Variants in WNK1 observed in about 807,000 individuals in gnomAD.
The protein encoded by WNK1 is serine/threonine-protein kinase WNK1.
Under a neutral mutation model 222.8 loss-of-function variants are expected in WNK1, and 38 were observed. The ratio of observed to expected loss-of-function variants is 0.17; its 90% CI spans 0.13 to 0.22. The LOEUF is 0.22. WNK1 is among the 10% of genes least tolerant of loss of function. The pLI is 1.00. For synonymous variants in WNK1, 1,090 were observed against 1,092.9 expected (o/e 1.00, Z 0.05); for missense variants, 2,348 against 2,918.4 (o/e 0.80, Z 4.50).
chr12:804,912 A>ATTTTTATTTT (rs374820355), intron 1 of WNK1, among the ~76,000 whole-genome samples: 2 of 146,978 alleles, frequency 1.4e-5, no homozygotes, highest in Non-Finnish European at 3.0e-5. Context: ...TTTATATTTT[A>ATTTTTATTTT]TATATATAAT....
chr12:867,698 A>T (rs1340615176), intron 8 of WNK1: 1 of 769,406 alleles, frequency 1.3e-6, no homozygotes, highest in East Asian at 2.7e-5. Context: ...GATGTATTTA[A>T]TGGATTTTTA....
intron 1 of WNK1, among the ~76,000 whole-genome samples, chr12:756,172 C>T (rs192685139): frequency 8.7e-4 from 133 of 152,190 alleles, no homozygotes; most frequent in African/African-American, 3.1e-3. Flanking sequence ...TAACCGGTTA[C>T]CTTACTTTTT....
intron 4 of WNK1, among the ~76,000 whole-genome samples, chr12:833,573 A>G (rs1315325125): frequency 7.1e-6 from 1 of 141,766 alleles, no homozygotes; most frequent in African/African-American, 2.5e-5. Flanking sequence ...GTCTTCCTCC[A>G]TGACATTTTA....
At chr12:874,108 A>T (rs1471162268) in intron 9 of WNK1, among the ~76,000 whole-genome samples, 3 of 151,862 alleles carry the variant, frequency 2.0e-5, no homozygotes, top group African/African-American at 7.3e-5. Context: ...GTGAACTATG[A>T]TATTGCCACC....
chr12:856,455 A>AG (rs66536504), intron 4 of WNK1, among the ~76,000 whole-genome samples: 1 of 138,520 alleles, frequency 7.2e-6, no homozygotes, highest in African/African-American at 2.5e-5. Context: ...CTCCATCTCG[A>AG]GGGAAAAAAA....
chr12:894,603 G>A lies in WNK1; in HGVS notation c.5551G>A (p.Gly1851Arg). ...KEGPVLATSS[G>R]AGVFKMGRFQ... is the part of the protein sequence containing the mutation. ...AGGCCCTGTCCTAGCAACTAGTTCA[G>A]GAGCTGGTGTTTTTAAGATGGGACG... The change falls in exon 23 of 28, where the codon GGA becomes AGA. Residue 1851 changes from glycine (G) to arginine (R), a missense_variant. Physicochemically the swap from Gly to Arg is moderately radical, Grantham distance 125. Around this residue, in one of 13 missense-constraint regions of WNK1, gnomAD observed 1,144 missense variants for 1,273.6 expected, o/e 0.90. Transcript: ENST00000315939. The A allele has an allele frequency of 6.2e-7, 1 of 1,614,034 alleles. No homozygotes were observed.
intron 1 of WNK1, among the ~76,000 whole-genome samples, chr12:774,360 C>G (rs1256934011): frequency 4.6e-5 from 7 of 152,208 alleles, no homozygotes. Flanking sequence ...CTCATCCCCT[C>G]CCTCTTGAGT....
chr12:789,995 A>C (rs867262097), intron 1 of WNK1, among the ~76,000 whole-genome samples: 1 of 152,222 alleles, frequency 6.6e-6, no homozygotes, highest in African/African-American at 2.4e-5. Flanking sequence ...TGATTGGGTT[A>C]GGCCAGTTAT....
intron 1 of WNK1, among the ~76,000 whole-genome samples, 190 bp downstream of exon 1, chr12:754,514 G>C (rs999122805): frequency 4.6e-5 from 7 of 152,204 alleles, no homozygotes; most frequent in Non-Finnish European, 8.8e-5. Context: ...GATAGGATAA[G>C]AATTATTGGT....
At chr12:790,882 T>C (rs543226916) in intron 1 of WNK1, among the ~76,000 whole-genome samples, 2 of 152,272 alleles carry the variant, frequency 1.3e-5, no homozygotes, top group South Asian at 4.1e-4. Context: ...TTCCTCTTAA[T>C]TTTAGAAATG....
At chr12:901,248 GGCTTATGT>G (rs1955229738) in intron 26 of WNK1, among the ~76,000 whole-genome samples, 1 of 152,156 alleles carries the variant, frequency 6.6e-6, no homozygotes, top group African/African-American at 2.4e-5. Flanking sequence ...TATAGGTACT[GGCTTATGT>G]GCCTTTGCCA....
chr12:837,659 G>T (rs1406520986), intron 4 of WNK1, among the ~76,000 whole-genome samples: 1 of 151,902 alleles, frequency 6.6e-6, no homozygotes, highest in East Asian at 1.9e-4. Context: ...GTTGTTACGG[G>T]CATACTCCTA....
At chr12:809,143 G>T (rs1430124118) in intron 1 of WNK1, among the ~76,000 whole-genome samples, 13 of 150,052 alleles carry the variant, frequency 8.7e-5, no homozygotes, top group Admixed American at 8.6e-4. Flanking sequence ...AGTGTATAAA[G>T]GTGAGCCATA....
At position 884,820 on chromosome 12, in the gene WNK1, T is replaced by C. The variant is rs746228923; in HGVS notation, c.4016T>C (p.Phe1339Ser). 1 of 1,614,118 alleles carries C rather than the reference T, an allele frequency of 6.2e-7. No individual in the cohort carries two copies. Among genetic ancestry groups the C allele is most frequent in the Admixed American group, 1.7e-5 (1 of 60,016 alleles). Residue 1339 changes from phenylalanine (F) to serine (S), a missense_variant, in exon 19 of 28, where the codon TTC becomes TCC. This residue lies in a region of WNK1 where 1,144 missense variants were observed against 1,273.6 expected (regional missense o/e 0.90). Transcript: ENST00000315939. The surrounding 1 kb of genome is among the most constrained non-coding windows in gnomAD (Gnocchi z 5.6). ...CCAACATTTCCAGTAGTACCTCCTT[T>C]CTTAAGTAGCATTGCTGGAGTCCCA... ...TGPTFPVVPP[F>S]LSSIAGVPTT...
chr12:902,326 A>G (rs573896860), intron 26 of WNK1, among the ~76,000 whole-genome samples: 1 of 152,164 alleles, frequency 6.6e-6, no homozygotes, highest in Non-Finnish European at 1.5e-5. Context: ...GAAATGAAGA[A>G]AGCATTTTGA....
chr12:899,338 G>T (rs898334936), intron 25 of WNK1, among the ~76,000 whole-genome samples: 8 of 151,798 alleles, frequency 5.3e-5, no homozygotes, highest in Non-Finnish European at 1.0e-4. Context: ...GGCAGAGTCG[G>T]CAGTGGCTCA....
intron 22 of WNK1, among the ~76,000 whole-genome samples, chr12:892,248 C>T (rs1380543381): frequency 6.6e-6 from 1 of 151,812 alleles, no homozygotes; most frequent in Non-Finnish European, 1.5e-5. Flanking sequence ...TTTTTTTCAA[C>T]TATCTAGAGC....
chr12:879,595 C>G lies in WNK1; in HGVS notation c.2396C>G (p.Pro799Arg), dbSNP rs1162478855. Residue 799 changes from proline to arginine, a missense_variant, in exon 11 of 28, where the codon CCA becomes CGA. Physicochemically the swap from Pro to Arg is moderately radical, Grantham distance 103 (BLOSUM62 -2). Transcript: ENST00000315939. ...CAGCTTCCAGTTTCCCAGCCAGTACCAACTATCCAAGGCGAACCTCAGATC... is the reference window on the plus strand; with the variant it reads ...CAGCTTCCAGTTTCCCAGCCAGTACGAACTATCCAAGGCGAACCTCAGATC... ...GKQLPVSQPVPTIQGEPQIPV... is the reference protein window; with the variant it reads ...GKQLPVSQPVRTIQGEPQIPV... The G allele has an allele frequency of 6.3e-7, 1 of 1,593,308 alleles. No individual in the cohort carries two copies. The highest frequency in any genetic ancestry group is 1.7e-5 in the Admixed American group (1 of 58,502).
At chr12:845,852 A>G (rs1949989486) in intron 4 of WNK1, among the ~76,000 whole-genome samples, 1 of 152,238 alleles carries the variant, frequency 6.6e-6, no homozygotes, top group Non-Finnish European at 1.5e-5. Flanking sequence ...CAAGCTTTAA[A>G]TGGGAGAACA....
Sources: allele counts gnomAD v4.1 joint callset (sites outside exome capture counted in the v4.1 genomes callset), GRCh38; gene constraint gnomAD v4.1.1; regional missense constraint gnomAD v4.1.1; non-coding constraint Gnocchi (gnomAD v3.1); transcripts MANE v1.5; gene names NCBI Gene and HGNC (gene_info 2026-07-23, HGNC 2026-07-21).